SIPA1L3: variants seen among roughly 807,000 people sequenced by gnomAD.
SIPA1L3 encodes the protein signal-induced proliferation-associated 1-like protein 3.
Under a neutral mutation model 150.1 loss-of-function variants are expected in SIPA1L3, and 59 were observed. The observed-to-expected ratio is 0.39, with a 90% CI of 0.32 to 0.49. SIPA1L3 has a LOEUF of 0.49. Ranked by LOEUF, SIPA1L3 falls within the 20% of genes least tolerant of loss-of-function variation. The pLI, the probability that SIPA1L3 is intolerant of heterozygous loss-of-function variation, is 0.86. For synonymous variants in SIPA1L3, 1,070 were observed against 1,077.6 expected (o/e 0.99, Z 0.14); for missense variants, 2,211 against 2,489.5 (o/e 0.89, Z 2.38).
At chr19:37,959,139 A>G (rs868777537) in intron 1 of SIPA1L3, among the ~76,000 whole-genome samples, 4 of 152,256 alleles carry the variant, frequency 2.6e-5, no homozygotes, top group African/African-American at 9.6e-5. Flanking sequence ...AAAAATATAT[A>G]CATAGAGTTA....
At chr19:38,094,184 A>G (rs113590631) in intron 4 of SIPA1L3, among the ~76,000 whole-genome samples, 2,346 of 152,326 alleles carry the variant, frequency 0.015, 33 homozygotes, top group Admixed American at 0.051. Flanking sequence ...TTCATTAGTG[A>G]AAAAAGCAAG....
rs1217176770 is a variant in SIPA1L3 at position 38,206,542 on chromosome 19, C to G, written c.*302C>G. 1 of 277,170 alleles carries G rather than the reference C, an allele frequency of 3.6e-6. No homozygotes were observed. The highest frequency in any genetic ancestry group is 6.7e-6 in the Non-Finnish European group (1 of 148,402). 17.2% of individuals were successfully genotyped at this position (277,170 alleles called of 1,614,324 possible). A position where few individuals can be genotyped will look rare whatever the true frequency, so the allele number is the denominator to read the frequency against. ...CTGCCCCGCTGTCCCCATCTAGCCTCTTCCTGGGACCAGCCCTTCGAAGCT... is the reference window on the plus strand; with the variant it reads ...CTGCCCCGCTGTCCCCATCTAGCCTGTTCCTGGGACCAGCCCTTCGAAGCT... On this transcript the variant is annotated 3_prime_UTR_variant, in exon 22 of 22. Transcript: ENST00000222345.
At chr19:38,062,621 AT>A (rs11392353) in intron 2 of SIPA1L3, among the ~76,000 whole-genome samples, 7 of 132,342 alleles carry the variant, frequency 5.3e-5, no homozygotes, top group South Asian at 2.3e-4. Flanking sequence ...TATTATTATT[AT>A]TTTTTTTTTT....
At chr19:37,997,330 G>T (rs1352995043) in intron 1 of SIPA1L3, among the ~76,000 whole-genome samples, 1 of 151,880 alleles carries the variant, frequency 6.6e-6, no homozygotes, top group Admixed American at 6.6e-5. Context: ...CACTTTGGGA[G>T]GCTGAAGCAG....
chr19:38,111,877 G>A (rs1020608967), intron 8 of SIPA1L3, among the ~76,000 whole-genome samples: 1 of 151,664 alleles, frequency 6.6e-6, no homozygotes, highest in Non-Finnish European at 1.5e-5. Flanking sequence ...ACATGCACAC[G>A]CACACGTGCA....
intron 2 of SIPA1L3, among the ~76,000 whole-genome samples, chr19:38,050,429 C>G (rs1337037427): frequency 6.6e-6 from 1 of 152,052 alleles, no homozygotes; most frequent in Admixed American, 6.6e-5. Context: ...GCACTCCAGC[C>G]TGGCCAACAG....
At chr19:37,965,606 T>G (rs1725490) in intron 1 of SIPA1L3, among the ~76,000 whole-genome samples, 118,373 of 152,082 alleles carry the variant, frequency 0.78, 46,432 homozygotes, top group South Asian at 0.88. Context: ...GAGCCACTGC[T>G]CTGGGCCTGG....
chr19:38,074,447 C>G lies in SIPA1L3; in HGVS notation c.-310-6809C>G, dbSNP rs184199410. 6.2e-3 allele frequency among the ~76,000 whole-genome samples: 952 copies of G among 152,350 alleles called. 12 individuals are homozygous for G. The highest frequency in any genetic ancestry group is 0.022 in the African/African-American group (907 of 41,576). ...GTGTGGCCTCAAAGGACTAATCCTC[C>G]CTCCGCACTCTGCACTCTGAAGGCA... is the stretch of plus-strand genomic sequence containing the variant. On this transcript the variant is annotated intron_variant, in intron 2 of 21. Coordinates refer to ENST00000222345, the MANE Select transcript of SIPA1L3 (RefSeq NM_015073.3).
chr19:38,162,399 C>T (rs374747162), intron 14 of SIPA1L3, 28 bp downstream of exon 14: 22 of 1,571,136 alleles, frequency 1.4e-5, no homozygotes, highest in East Asian at 6.7e-5. Flanking sequence ...CCTGCCCTAC[C>T]GGGGGAGCCA....
At chr19:37,922,358 G>A (rs993752311) in intron 1 of SIPA1L3, among the ~76,000 whole-genome samples, 6 of 151,958 alleles carry the variant, frequency 3.9e-5, no homozygotes, top group African/African-American at 1.5e-4. Context: ...AAAGTGCTAG[G>A]ATTACAGGTG....
rs1368849449 is a variant in SIPA1L3, at chr19:38,198,478, A to G, written c.4930A>G (p.Thr1644Ala). The change falls in exon 19 of 22, where the codon ACA becomes GCA. Residue 1644 changes from threonine to alanine, a missense_variant. By Grantham distance (58) the Thr-to-Ala change is moderately conservative. Around this residue, in one of 5 missense-constraint regions of SIPA1L3, gnomAD observed 806 missense variants for 870.1 expected, o/e 0.93. Transcript: ENST00000222345. ...LDPGLMPLPD[T>A]AAGLEWSSLV... Reference sequence around the variant, plus strand: ...CCCTGGGCTGATGCCCCTGCCTGACACAGCTGCTGGCCTCGAGTGGTCCAG... The same window carrying G: ...CCCTGGGCTGATGCCCCTGCCTGACGCAGCTGCTGGCCTCGAGTGGTCCAG... The G allele has an allele frequency of 6.2e-7, 1 of 1,604,342 alleles. No homozygotes were observed. The highest frequency in any genetic ancestry group is 1.3e-5 in the African/African-American group (1 of 74,236).
intron 2 of SIPA1L3, among the ~76,000 whole-genome samples, chr19:38,042,982 C>A (rs1001775756): frequency 6.6e-5 from 10 of 152,200 alleles, no homozygotes; most frequent in African/African-American, 2.4e-4. Context: ...GTTTCTCCAT[C>A]TGTAAAACAG....
intron 1 of SIPA1L3, among the ~76,000 whole-genome samples, chr19:37,996,495 C>T (rs1488446808): frequency 6.6e-6 from 1 of 152,140 alleles, no homozygotes; most frequent in Non-Finnish European, 1.5e-5. Context: ...TAACATAATG[C>T]ATTACCTCAC....
intron 1 of SIPA1L3, among the ~76,000 whole-genome samples, chr19:37,937,720 C>T (rs1335623988): frequency 4.9e-5 from 4 of 81,896 alleles, no homozygotes; most frequent in Non-Finnish European, 9.6e-5. Flanking sequence ...GTAGCCAGGG[C>T]GACAGAGTGA....
intron 2 of SIPA1L3, among the ~76,000 whole-genome samples, chr19:38,054,899 A>G (rs1010502068): frequency 6.6e-6 from 1 of 152,112 alleles, no homozygotes; most frequent in South Asian, 2.1e-4. Context: ...TAGCAGGTGA[A>G]CGGTGAAGAG....
chr19:37,929,935 T>C (rs1384285606), intron 1 of SIPA1L3, among the ~76,000 whole-genome samples: 1 of 152,062 alleles, frequency 6.6e-6, no homozygotes, highest in Non-Finnish European at 1.5e-5. Flanking sequence ...CATGGCTCAC[T>C]GCAGCCTTGA....
At position 37,931,681 on chromosome 19, in the gene SIPA1L3, C is replaced by T. The variant is rs182809814; in HGVS notation, c.-379+24323C>T. ...AGGAGAATCCCTTGAATCCAGAAGG[C>T]GGAGGTTGCAGTGAGCTGAGATCGC... On this transcript the variant is annotated intron_variant, in intron 1 of 21. Transcript: ENST00000222345. 1.5e-3 allele frequency among the ~76,000 whole-genome samples: 235 copies of T among 152,218 alleles called. 3 individuals are homozygous for T. The highest frequency in any genetic ancestry group is 4.9e-4 in the Non-Finnish European group (33 of 68,012).
intron 1 of SIPA1L3, among the ~76,000 whole-genome samples, chr19:38,022,120 A>C (rs2145702628): frequency 6.6e-6 from 1 of 152,334 alleles, no homozygotes; most frequent in South Asian, 2.1e-4. Context: ...GCTGGGTTCA[A>C]ATCCCTCCTG....
At chr19:38,076,229 A>G (rs539893055) in intron 2 of SIPA1L3, among the ~76,000 whole-genome samples, 3 of 152,298 alleles carry the variant, frequency 2.0e-5, no homozygotes, top group South Asian at 2.1e-4. Context: ...ATATATGTAC[A>G]TTAGTCTATT....
Sources: gnomAD v4.1 joint callset for allele counts (sites outside exome capture counted in the v4.1 genomes callset) on GRCh38, gnomAD v4.1.1 for gene constraint, gnomAD v4.1.1 regional missense constraint, MANE v1.5 for transcripts, NCBI Gene and HGNC (gene_info 2026-07-23, HGNC 2026-07-21) for gene names.